SYNE3: variants seen among roughly 807,000 people sequenced by gnomAD.
The protein encoded by SYNE3 is nesprin-3.
A neutral mutation model predicts 111.2 loss-of-function variants in SYNE3; 100 were observed. The observed-to-expected ratio is 0.90, with a 90% CI of 0.77 to 1.06. SYNE3 has a LOEUF of 1.06. Among genes scored for constraint, SYNE3 ranks in the 50% least tolerant of loss-of-function variants. The pLI, the probability that SYNE3 is intolerant of heterozygous loss-of-function variation, is 0.00. For synonymous variants in SYNE3, 547 were observed against 533.9 expected, an observed-to-expected ratio of 1.02 and a Z score of -0.34; for missense variants, 1,160 against 1,240.3, an observed-to-expected ratio of 0.94 and a Z score of 0.97.
chr14:95,455,851 G>C (rs1268999220), intron 5 of SYNE3, 127 bp from the exon 6 acceptor site: 7 of 934,522 alleles, frequency 7.5e-6, no homozygotes, highest in Admixed American at 2.5e-5. Flanking sequence ...TAGAGCCAGA[G>C]AGGGGCCTTC....
In SYNE3 at chr14:95,421,584, T is replaced by C. The variant is rs183204171; in HGVS notation, c.2728-3558A>G. 1.9e-3 allele frequency among the ~76,000 whole-genome samples: 282 copies of C among 152,290 alleles called. 2 individuals carry two copies. The highest frequency in any genetic ancestry group is 2.9e-3 in the Admixed American group (44 of 15,294). ...TGCCTACCAATGTAGGAAGGATAAATGAGGCCACGCATGCTATGCATAAAG... is the reference window on the plus strand; with the variant it reads ...TGCCTACCAATGTAGGAAGGATAAACGAGGCCACGCATGCTATGCATAAAG... On this transcript the variant is annotated intron_variant, in intron 17 of 17. Transcript: ENST00000682763.
chr14:95,433,289 A>T lies in SYNE3; in HGVS notation c.2659T>A (p.Ser887Thr). 2.5e-6 allele frequency: 4 copies of T among 1,613,982 alleles called. No homozygotes were observed. Among genetic ancestry groups the T allele is most frequent in the Non-Finnish European group, 3.4e-6 (4 of 1,179,970 alleles). ...DLRYQWMLYK[S>T]KLKDSGHLLT... ...AGGTGGCCAGAGTCCTTCAGCTTGGACTTGTACAGCATCCACTGGTAGCGC... is the reference window on the plus strand; with the variant it reads ...AGGTGGCCAGAGTCCTTCAGCTTGGTCTTGTACAGCATCCACTGGTAGCGC... Residue 887 changes from serine to threonine, a missense_variant, in exon 16 of 18, where the codon TCC (serine) becomes ACC (threonine). Physicochemically the swap from Ser to Thr is moderately conservative, Grantham distance 58. Transcript: ENST00000682763.
At chr14:95,511,213 A>G (rs1332189860) in intron 1 of SYNE3, among the ~76,000 whole-genome samples, 1 of 152,150 alleles carries the variant, frequency 6.6e-6, no homozygotes, top group Non-Finnish European at 1.5e-5. Flanking sequence ...GCAGCACTCA[A>G]TTGTTTTGGG....
chr14:95,487,091 C>T (rs1023482021), intron 1 of SYNE3, among the ~76,000 whole-genome samples: 6 of 152,202 alleles, frequency 3.9e-5, no homozygotes, highest in Admixed American at 1.3e-4. Flanking sequence ...CCCGCCCCTC[C>T]GCACCTGCTT....
intron 14 of SYNE3, among the ~76,000 whole-genome samples, chr14:95,437,402 T>C (rs4905304): frequency 0.66 from 100,484 of 152,154 alleles, 34,397 homozygotes; most frequent in East Asian, 0.85. Flanking sequence ...GCGCATGCTG[T>C]CTTCCCTGTC....
intron 4 of SYNE3, among the ~76,000 whole-genome samples, chr14:95,463,506 T>C (rs1050539281): frequency 6.6e-6 from 1 of 152,252 alleles, no homozygotes; most frequent in African/African-American, 2.4e-5. Flanking sequence ...AGGCGCTCTC[T>C]GCTGATTGGC....
At chr14:95,433,613 C>T (rs1885919277) in intron 15 of SYNE3, among the ~76,000 whole-genome samples, 1 of 152,242 alleles carries the variant, frequency 6.6e-6, no homozygotes, top group Non-Finnish European at 1.5e-5. Context: ...GGATGGCCTC[C>T]TGCATGGAAC....
At chr14:95,512,139 C>G (rs913204303) in intron 1 of SYNE3, among the ~76,000 whole-genome samples, 4 of 152,160 alleles carry the variant, frequency 2.6e-5, no homozygotes, top group Non-Finnish European at 5.9e-5. Context: ...ATGTCTCCTA[C>G]ATTAAAGATC....
chr14:95,451,100 T>C (rs907799533), intron 7 of SYNE3: 2 of 151,926 alleles, frequency 1.3e-5, no homozygotes, highest in African/African-American at 2.4e-5. Flanking sequence ...AGGATAAGGG[T>C]CTATCAAAAA....
intron 1 of SYNE3, among the ~76,000 whole-genome samples, chr14:95,492,615 G>A (rs1889902164): frequency 6.6e-6 from 1 of 152,228 alleles, no homozygotes; most frequent in Non-Finnish European, 1.5e-5. Flanking sequence ...CTAGGGAGGT[G>A]GGAGGGTTGG....
chr14:95,432,157 AT>A, intron 16 of SYNE3, 40 bp from the exon 17 acceptor site: 10 of 1,596,648 alleles, frequency 6.3e-6, no homozygotes, highest in Admixed American at 1.7e-5. Flanking sequence ...GGGGAAAAAA[AT>A]AAGTTAAGTG....
chr14:95,478,820 C>T (rs1889048241), intron 1 of SYNE3, among the ~76,000 whole-genome samples: 1 of 152,214 alleles, frequency 6.6e-6, no homozygotes, highest in Non-Finnish European at 1.5e-5. Flanking sequence ...CACGAGGGCA[C>T]TTGGCCTATA....
chr14:95,507,642 A>T (rs757037692), intron 1 of SYNE3, among the ~76,000 whole-genome samples: 2 of 152,234 alleles, frequency 1.3e-5, no homozygotes, highest in Non-Finnish European at 2.9e-5. Flanking sequence ...AATTTTCTAA[A>T]ATTATGCCTG....
chr14:95,479,238 A>G (rs1889082748), intron 1 of SYNE3, among the ~76,000 whole-genome samples: 1 of 151,128 alleles, frequency 6.6e-6, no homozygotes, highest in African/African-American at 2.4e-5. Flanking sequence ...AAAAAAAAAA[A>G]AAAAAAAAAA....
intron 15 of SYNE3, among the ~76,000 whole-genome samples, chr14:95,435,650 C>A (rs1886044871): frequency 6.6e-6 from 1 of 152,032 alleles, no homozygotes; most frequent in African/African-American, 2.4e-5. Flanking sequence ...CCAGAAAGAT[C>A]CTAGACCACA....
At chr14:95,439,538 C>A in intron 13 of SYNE3, 74 bp downstream of exon 13, 2 of 1,578,646 alleles carry the variant, frequency 1.3e-6, no homozygotes, top group South Asian at 1.1e-5. Flanking sequence ...CTCTGCTCCA[C>A]GAGCACCTGA....
chr14:95,459,141 T>C (rs554899674), intron 4 of SYNE3, among the ~76,000 whole-genome samples: 1 of 152,342 alleles, frequency 6.6e-6, no homozygotes, highest in East Asian at 1.9e-4. Context: ...TTGTAGCCCA[T>C]GAGTAGCCAC....
Position 95,409,661 on chromosome 14 carries a change from G to T in SYNE3, c.*8165C>A, listed in dbSNP as rs1903384466. The T allele has an allele frequency of 3.1e-6, 1 of 318,004 alleles. No individual in the cohort carries two copies. The highest frequency in any genetic ancestry group is 2.7e-5 in the South Asian group (1 of 36,426). 19.7% of individuals were successfully genotyped at this position (318,004 alleles called of 1,614,324 possible). A position where few individuals can be genotyped will look rare whatever the true frequency, so the allele number is the denominator to read the frequency against. On this transcript the variant is annotated 3_prime_UTR_variant, in exon 18 of 18. Coordinates refer to ENST00000682763, the MANE Select transcript of SYNE3 (RefSeq NM_152592.6). Reference sequence around the variant, plus strand: ...CCATTTGCTTTTAGACCACGAGCCTGTGTTTTAATGTTCTTTTAGAAACAA... The same window carrying T: ...CCATTTGCTTTTAGACCACGAGCCTTTGTTTTAATGTTCTTTTAGAAACAA...
chr14:95,478,177 G>A (rs76039026), intron 1 of SYNE3, among the ~76,000 whole-genome samples: 2,623 of 152,320 alleles, frequency 0.017, 152 homozygotes, highest in Admixed American at 0.13. Flanking sequence ...GCAGAGTTCA[G>A]GAGACCTGAG....
Sources: allele counts gnomAD v4.1 joint callset (sites outside exome capture counted in the v4.1 genomes callset), GRCh38; gene constraint gnomAD v4.1.1; transcripts MANE v1.5; gene names NCBI Gene and HGNC (gene_info 2026-07-23, HGNC 2026-07-21).